Variants in BBS9 observed in about 807,000 individuals in gnomAD.
BBS9 encodes protein PTHB1.
Under a neutral mutation model 117.7 loss-of-function variants are expected in BBS9, and 89 were observed. The observed-to-expected ratio is 0.76, with a 90% confidence interval of 0.64 to 0.90. The LOEUF (loss-of-function observed/expected upper bound fraction) is 0.90. Ranked by LOEUF, BBS9 falls within the 40% of genes least tolerant of loss-of-function variation. The pLI, the probability that BBS9 is intolerant of heterozygous loss-of-function variation, is 0.00. For missense variants in BBS9, 982 were observed against 1,042.2 expected (o/e 0.94, Z 0.80); for synonymous variants, 379 against 370.9 (o/e 1.02, Z -0.25).
chr7:33,494,098 A>G (rs1282642467), intron 19 of BBS9, among the ~76,000 whole-genome samples: 5 of 152,112 alleles, frequency 3.3e-5, no homozygotes, highest in South Asian at 2.1e-4. Flanking sequence ...TTTGAGCACA[A>G]TCTCACTGAC....
chr7:33,224,516 T>C (rs1476570332), intron 5 of BBS9, among the ~76,000 whole-genome samples: 1 of 152,222 alleles, frequency 6.6e-6, no homozygotes, highest in Non-Finnish European at 1.5e-5. Context: ...AAATAATGTG[T>C]TAGTAACACC....
chr7:33,306,890 A>G (rs1808127722), intron 9 of BBS9, among the ~76,000 whole-genome samples: 2 of 152,182 alleles, frequency 1.3e-5, no homozygotes, highest in South Asian at 4.1e-4. Flanking sequence ...GAAATAGCAC[A>G]GAATAAAATA....
In BBS9 at chr7:33,145,956, C is replaced by G. The variant is rs144514570; in HGVS notation, c.-11-286C>G. ...TTTGAATCTTGATCCTCCAAAGAAT[C>G]TGTTCTTTTGTTATTTTCTGCAGTT... On this transcript the variant is annotated intron_variant, in intron 1 of 22. Coordinates refer to ENST00000242067, the MANE Select transcript of BBS9 (RefSeq NM_198428.3). Among the ~76,000 whole-genome samples, 12 of 152,292 alleles carry G rather than the reference C, an allele frequency of 7.9e-5. No homozygotes were observed. The East Asian group carries it at 2.3e-3, about 29-fold the overall frequency.
intron 5 of BBS9, among the ~76,000 whole-genome samples, chr7:33,180,796 C>T (rs762947719): frequency 2.0e-5 from 3 of 152,176 alleles, no homozygotes; most frequent in Non-Finnish European, 2.9e-5. Flanking sequence ...AAATGTCCCA[C>T]TGCCTTGTTG....
chr7:33,134,159 C>A (rs1365180570), intron 1 of BBS9, among the ~76,000 whole-genome samples: 1 of 151,856 alleles, frequency 6.6e-6, no homozygotes, highest in Non-Finnish European at 1.5e-5. Flanking sequence ...AAGCAATTCT[C>A]CTGCCTCAGC....
At chr7:33,149,635 A>T (rs563899605) in intron 2 of BBS9, among the ~76,000 whole-genome samples, 1 of 152,170 alleles carries the variant, frequency 6.6e-6, no homozygotes, top group Non-Finnish European at 1.5e-5. Context: ...GGGAAAGTTT[A>T]TTTCTAGAAT....
chr7:33,519,780 A>T (rs1419969939), intron 20 of BBS9, among the ~76,000 whole-genome samples: 2 of 152,172 alleles, frequency 1.3e-5, no homozygotes, highest in African/African-American at 4.8e-5. Context: ...AGACAAACAT[A>T]ACGAAATGGG....
chr7:33,158,267 T>C (rs1323702823), intron 4 of BBS9, among the ~76,000 whole-genome samples: 1 of 152,190 alleles, frequency 6.6e-6, no homozygotes, highest in Non-Finnish European at 1.5e-5. Context: ...TTCCAGAGAA[T>C]TTTTTGGTTT....
chr7:33,333,124 A>G (rs1301229552), intron 9 of BBS9, among the ~76,000 whole-genome samples: 1 of 152,068 alleles, frequency 6.6e-6, no homozygotes, highest in African/African-American at 2.4e-5. Context: ...TAAGTTCTTT[A>G]GTGGTGATTT....
At chr7:33,501,409 A>G (rs1225007892) in intron 19 of BBS9, among the ~76,000 whole-genome samples, 1 of 152,154 alleles carries the variant, frequency 6.6e-6, no homozygotes, top group Non-Finnish European at 1.5e-5. Flanking sequence ...TGTTTATCCC[A>G]TTTCTTTCCA....
At chr7:33,533,854 A>T in intron 20 of BBS9, 100 bp from the exon 21 acceptor site, 1 of 1,371,116 alleles carries the variant, frequency 7.3e-7, no homozygotes, top group Non-Finnish European at 1.0e-6. Context: ...CAGGTTCCCA[A>T]CACTTGAACA....
At chr7:33,400,333 C>G (rs904046880) in intron 19 of BBS9, among the ~76,000 whole-genome samples, 7 of 152,054 alleles carry the variant, frequency 4.6e-5, no homozygotes, top group African/African-American at 1.7e-4. Context: ...AAAATCTTAT[C>G]TTTTTGTGTC....
chr7:33,390,684 T>C, intron 19 of BBS9: 1 of 821,920 alleles, frequency 1.2e-6, no homozygotes, highest in Non-Finnish European at 1.5e-6. Flanking sequence ...ACTTAACACA[T>C]GAATATAATT....
chr7:33,565,844 T>TC (rs5883407), intron 21 of BBS9, among the ~76,000 whole-genome samples: 1 of 80,034 alleles, frequency 1.2e-5, no homozygotes, highest in Non-Finnish European at 2.3e-5. Flanking sequence ...TATATACTGC[T>TC]TATATATATA....
At chr7:33,587,852 A>G (rs941297158) in intron 21 of BBS9, among the ~76,000 whole-genome samples, 4 of 152,140 alleles carry the variant, frequency 2.6e-5, no homozygotes, top group African/African-American at 9.7e-5. Context: ...AACATTGTCC[A>G]GTTGTTTATC....
Position 33,421,636 on chromosome 7 carries a change from A to C in BBS9, c.2115+33492A>C, listed in dbSNP as rs959072616. On this transcript the variant is annotated intron_variant, in intron 19 of 22. Transcript: ENST00000242067. The stretch of plus-strand genomic sequence containing the variant: ...AACATACTCTTGTCTTTTCTTAGTC[A>C]GTCTGGAATGTTGAGATATAGAGGG... Among the ~76,000 whole-genome samples, 4 of 152,176 alleles carry C rather than the reference A, an allele frequency of 2.6e-5. No individual in the cohort carries two copies. The East Asian group carries it at 7.7e-4, about 29-fold the overall frequency.
rs959738769 is a variant in BBS9 at position 33,364,736 on chromosome 7, C to T, written c.1694-3031C>T. Reference sequence around the variant, plus strand: ...TCCTGTCCTCCTCCCCCTCCTCTCACCTCCCCTCCTCTCTCAGGGTCTTGC... The same window carrying T: ...TCCTGTCCTCCTCCCCCTCCTCTCATCTCCCCTCCTCTCTCAGGGTCTTGC... On this transcript the variant is annotated intron_variant, in intron 16 of 22. Coordinates refer to ENST00000242067, the MANE Select transcript of BBS9 (RefSeq NM_198428.3). Among the ~76,000 whole-genome samples, 5 of 137,754 alleles carry T rather than the reference C, an allele frequency of 3.6e-5. No individual in the cohort carries two copies. In the Admixed American group the frequency reaches 3.7e-4, roughly 10 times the overall value. The allele number at this position is 137,754 out of a possible 152,430, so 90.4% of individuals were successfully genotyped here. A position where few individuals can be genotyped will look rare whatever the true frequency, so the allele number is the denominator to read the frequency against.
At chr7:33,441,388 G>A (rs189385768) in intron 19 of BBS9, among the ~76,000 whole-genome samples, 7 of 152,240 alleles carry the variant, frequency 4.6e-5, no homozygotes, top group Admixed American at 1.3e-4. Context: ...AAACTGAGGC[G>A]AGACGCTAGA....
chr7:33,220,667 A>T (rs1790075825), intron 5 of BBS9, among the ~76,000 whole-genome samples: 1 of 152,246 alleles, frequency 6.6e-6, no homozygotes, highest in Non-Finnish European at 1.5e-5. Flanking sequence ...TATGTGATAC[A>T]TTCCTTTATA....
Sources: gnomAD v4.1 joint callset for allele counts (sites outside exome capture counted in the v4.1 genomes callset) on GRCh38, gnomAD v4.1.1 for gene constraint, MANE v1.5 for transcripts, NCBI Gene and HGNC (gene_info 2026-07-23, HGNC 2026-07-21) for gene names.